Variants in KCNQ5 observed in about 807,000 individuals in gnomAD.
KCNQ5 encodes potassium voltage-gated channel subfamily KQT member 5.
In KCNQ5, 30 loss-of-function variants were observed where a neutral mutation model predicts 98.2. The observed-to-expected ratio is 0.31, with a 90% CI of 0.23 to 0.41. The LOEUF (loss-of-function observed/expected upper bound fraction) is 0.41. Ranked by LOEUF, KCNQ5 falls within the 10% of genes least tolerant of loss-of-function variation. KCNQ5 has a pLI of 1.00. For missense variants in KCNQ5, 835 were observed against 1,182.5 expected (o/e 0.71, Z 4.31); for synonymous variants, 458 against 449.4 (o/e 1.02, Z -0.24).
chr6:72,757,216 G>T (rs1423594316), intron 1 of KCNQ5, among the ~76,000 whole-genome samples: 1 of 152,112 alleles, frequency 6.6e-6, no homozygotes, highest in Admixed American at 6.6e-5. Flanking sequence ...AGACCTTTAA[G>T]AAATGTGAAT....
At chr6:73,036,293 G>A (rs996051489) in intron 2 of KCNQ5, among the ~76,000 whole-genome samples, 5 of 150,770 alleles carry the variant, frequency 3.3e-5, no homozygotes, top group Admixed American at 1.3e-4. Context: ...GGCTGAGGCA[G>A]GCGAATGGCA....
intron 1 of KCNQ5, among the ~76,000 whole-genome samples, chr6:72,835,287 C>A (rs1053621282): frequency 5.9e-5 from 9 of 152,062 alleles, no homozygotes; most frequent in African/African-American, 1.9e-4. Context: ...TGAATTAATA[C>A]CCAAGAAGAA....
At chr6:72,807,845 G>A (rs59587629) in intron 1 of KCNQ5, among the ~76,000 whole-genome samples, 6,330 of 152,200 alleles carry the variant, frequency 0.042, 408 homozygotes, top group African/African-American at 0.14. Context: ...GCAAGAGGTT[G>A]ACACAGGATG....
chr6:72,723,313 G>A (rs574838725), intron 1 of KCNQ5, among the ~76,000 whole-genome samples: 2 of 152,220 alleles, frequency 1.3e-5, no homozygotes, highest in African/African-American at 4.8e-5. Context: ...AAGTCTTAGA[G>A]TACCTAACAC....
At chr6:73,029,554 G>A (rs1290140436) in intron 2 of KCNQ5, among the ~76,000 whole-genome samples, 5 of 150,636 alleles carry the variant, frequency 3.3e-5, no homozygotes, top group Admixed American at 2.0e-4. Flanking sequence ...TTGTTTAATG[G>A]TTCAATTGAA....
chr6:72,754,634 G>C (rs546991654), intron 1 of KCNQ5, among the ~76,000 whole-genome samples: 1 of 151,868 alleles, frequency 6.6e-6, no homozygotes, highest in Non-Finnish European at 1.5e-5. Flanking sequence ...AGGCCCCAAT[G>C]TTGATAGTGC....
intron 1 of KCNQ5, among the ~76,000 whole-genome samples, chr6:72,957,529 T>G (rs1582087582): frequency 6.6e-6 from 1 of 152,254 alleles, no homozygotes; most frequent in Middle Eastern, 3.4e-3. Flanking sequence ...TCCAATTTAC[T>G]TTCATCTTTG....
At chr6:72,848,737 G>C (rs755867473) in intron 1 of KCNQ5, among the ~76,000 whole-genome samples, 1 of 152,098 alleles carries the variant, frequency 6.6e-6, no homozygotes, top group South Asian at 2.1e-4. Flanking sequence ...TCGTGGGGGC[G>C]ATTACCCCCA....
intron 1 of KCNQ5, among the ~76,000 whole-genome samples, chr6:72,927,625 A>C (rs1356926991): frequency 6.6e-6 from 1 of 152,086 alleles, no homozygotes; most frequent in Non-Finnish European, 1.5e-5. Flanking sequence ...CTACTGTTGG[A>C]AAATAAACTA....
At chr6:72,783,040 G>C (rs932400925) in intron 1 of KCNQ5, among the ~76,000 whole-genome samples, 7 of 152,290 alleles carry the variant, frequency 4.6e-5, no homozygotes, top group Admixed American at 4.6e-4. Context: ...GACCTAGAGA[G>C]AAAATCTTTG....
chr6:72,913,396 G>A (rs1021603349), intron 1 of KCNQ5, among the ~76,000 whole-genome samples: 4 of 152,026 alleles, frequency 2.6e-5, no homozygotes, highest in African/African-American at 9.7e-5. Flanking sequence ...ACTCCCTAGA[G>A]CAGTGGTTCC....
intron 1 of KCNQ5, among the ~76,000 whole-genome samples, chr6:72,856,632 TGTCAACAGTTACA>T (rs1181123602): frequency 6.6e-6 from 1 of 152,196 alleles, no homozygotes; most frequent in Non-Finnish European, 1.5e-5. Flanking sequence ...GATGGAAATT[TGTCAACAGTTACA>T]GAATAAGAAA....
chr6:72,999,592 C>T (rs1187890909), intron 1 of KCNQ5, among the ~76,000 whole-genome samples: 1 of 152,170 alleles, frequency 6.6e-6, no homozygotes, highest in East Asian at 1.9e-4. Flanking sequence ...TACCAATTCT[C>T]AATTACAGAT....
At chr6:73,015,625 A>G (rs1224944524) in intron 2 of KCNQ5, among the ~76,000 whole-genome samples, 1 of 152,128 alleles carries the variant, frequency 6.6e-6, no homozygotes, top group African/African-American at 2.4e-5. Flanking sequence ...CCCAGCAGAC[A>G]TCCTTAGAGC....
intron 1 of KCNQ5, among the ~76,000 whole-genome samples, chr6:72,625,794 G>T (rs571244953): frequency 2.0e-5 from 3 of 152,212 alleles, no homozygotes; most frequent in African/African-American, 7.2e-5. Flanking sequence ...ATTAACTATT[G>T]TTTGTTTACT....
intron 1 of KCNQ5, among the ~76,000 whole-genome samples, chr6:72,647,386 T>C (rs897599469): frequency 4.1e-5 from 6 of 147,680 alleles, no homozygotes; most frequent in Non-Finnish European, 8.9e-5. Flanking sequence ...GAAGAAACCA[T>C]GCATTAAGAA....
intron 3 of KCNQ5, among the ~76,000 whole-genome samples, chr6:73,063,721 T>TAGATAGATGATAGATAGATA (rs1554203585): frequency 7.3e-5 from 7 of 96,034 alleles, no homozygotes; most frequent in South Asian, 4.2e-4. Flanking sequence ...GATAGATAGA[T>TAGATAGATGATAGATAGATA]GATAGATAGA....
chr6:72,987,735 C>A, intron 1 of KCNQ5: 2 of 529,228 alleles, frequency 3.8e-6, no homozygotes, highest in South Asian at 2.1e-5. Context: ...CCAAGTTAGC[C>A]AAGCTGGAAG....
At chr6:72,629,478 A>C (rs116517984) in intron 1 of KCNQ5, among the ~76,000 whole-genome samples, 6 of 152,334 alleles carry the variant, frequency 3.9e-5, no homozygotes, top group African/African-American at 1.4e-4. Context: ...AAGTGTTACA[A>C]TATTAGTACT....
Sources: allele counts gnomAD v4.1 joint callset (sites outside exome capture counted in the v4.1 genomes callset), GRCh38; gene constraint gnomAD v4.1.1; transcripts MANE v1.5; gene names NCBI Gene and HGNC (gene_info 2026-07-23, HGNC 2026-07-21).